The following SHTN1 variants were observed in gnomAD, a reference collection of about 807,000 sequenced individuals.
SHTN1 encodes the protein shootin 1, also known as shootin-1.
SHTN1 carries 42 observed loss-of-function variants against 83.1 expected under a neutral mutation model. The ratio of observed to expected loss-of-function variants is 0.51; its 90% CI spans 0.39 to 0.65. The LOEUF (loss-of-function observed/expected upper bound fraction) is 0.65. Among genes scored for constraint, SHTN1 ranks in the 30% least tolerant of loss-of-function variants. The probability of loss-of-function intolerance (pLI) is 0.00; values close to 1 mark genes in which losing one functional copy is unlikely to be tolerated. For missense variants in SHTN1, 622 were observed against 737.8 expected, an observed-to-expected ratio of 0.84 and a Z score of 1.82; for synonymous variants, 224 against 247.7, an observed-to-expected ratio of 0.90 and a Z score of 0.90.
intron 2 of SHTN1, among the ~76,000 whole-genome samples, chr10:117,031,114 G>C (rs1049249943): frequency 6.6e-6 from 1 of 152,146 alleles, no homozygotes; most frequent in African/African-American, 2.4e-5. Context: ...AAAGCAGCAA[G>C]AGAAGAGAAA....
chr10:117,120,101 A>G (rs1853902147), intron 1 of SHTN1, among the ~76,000 whole-genome samples: 1 of 152,206 alleles, frequency 6.6e-6, no homozygotes, highest in South Asian at 2.1e-4. Flanking sequence ...AAGAATGAAT[A>G]AGACCTAGTA....
chr10:117,105,950 G>T (rs1853662649), intron 1 of SHTN1, among the ~76,000 whole-genome samples: 1 of 151,866 alleles, frequency 6.6e-6, no homozygotes, highest in African/African-American at 2.4e-5. Flanking sequence ...ACAGGTCGAG[G>T]CTGAGGTGAA....
intron 1 of SHTN1, among the ~76,000 whole-genome samples, chr10:116,986,919 G>A (rs1248515876): frequency 6.6e-6 from 1 of 151,826 alleles, no homozygotes; most frequent in Non-Finnish European, 1.5e-5. Flanking sequence ...AGTAGAGACG[G>A]GGTTTCACCA....
At chr10:116,960,436 T>C in intron 3 of SHTN1, 1 of 442,572 alleles carries the variant, frequency 2.3e-6, no homozygotes. Context: ...CACAACAAAA[T>C]ACATTCATTT....
chr10:116,901,483 G>C (rs2133324092), intron 16 of SHTN1: 1 of 985,054 alleles, frequency 1.0e-6, no homozygotes. Context: ...TCCTGACGCA[G>C]AGTCTGTATC....
intron 1 of SHTN1, among the ~76,000 whole-genome samples, chr10:117,119,375 T>C (rs1050123760): frequency 6.6e-6 from 1 of 152,126 alleles, no homozygotes; most frequent in African/African-American, 2.4e-5. Context: ...GATTTTAAAA[T>C]GGGCAAAGGA....
At chr10:116,939,293 G>C (rs1849279841) in intron 9 of SHTN1, among the ~76,000 whole-genome samples, 1 of 152,180 alleles carries the variant, frequency 6.6e-6, no homozygotes. Flanking sequence ...GGCCCTGGTG[G>C]TGTAGGCACC....
Position 116,886,217 on chromosome 10 carries a change from A to T in SHTN1, c.*127T>A. 3 of 1,320,194 alleles carry T rather than the reference A, an allele frequency of 2.3e-6. No homozygotes were observed. The highest frequency in any genetic ancestry group is 3.1e-6 in the Non-Finnish European group (3 of 977,508). 81.8% of individuals were successfully genotyped at this position (1,320,194 alleles called of 1,614,324 possible). A position where few individuals can be genotyped will look rare whatever the true frequency, so the allele number is the denominator to read the frequency against. The stretch of plus-strand genomic sequence containing the variant: ...AGTTGCTACTTACAAAAGTGACACC[A>T]GAAAAGAACCTGTATTCTGAATACA... On this transcript the variant is annotated 3_prime_UTR_variant, in exon 17 of 17. Coordinates refer to ENST00000355371, the MANE Select transcript of SHTN1 (RefSeq NM_001127211.3).
At chr10:116,968,789 T>G (rs1485713328) in intron 2 of SHTN1, 77 bp from the exon 3 acceptor site, 6 of 1,082,320 alleles carry the variant, frequency 5.5e-6, no homozygotes, top group Non-Finnish European at 8.2e-6. Flanking sequence ...AGAGCAAACT[T>G]ATAAACAACA....
intron 2 of SHTN1, among the ~76,000 whole-genome samples, chr10:117,044,861 T>C (rs1194705348): frequency 1.3e-5 from 2 of 152,174 alleles, no homozygotes; most frequent in Admixed American, 1.3e-4. Flanking sequence ...TTTTGGCATA[T>C]TAAGGTGCTA....
Position 116,902,274 on chromosome 10 carries a change from AT to A in SHTN1, c.1481-318del, listed in dbSNP as rs368439568. Among the ~76,000 whole-genome samples the A allele has an allele frequency of 8.7e-3, 1,327 of 152,278 alleles. 11 individuals are homozygous for A. The highest frequency in any genetic ancestry group is 0.015 in the Non-Finnish European group (1,014 of 68,022). On this transcript the variant is annotated intron_variant, in intron 15 of 16. Transcript: ENST00000355371. ...GGAAAGTCTTTTCCTCTCATAGAGT[AT>A]GGCTTTCTGACAGCCCTACTCGAAC...
intron 1 of SHTN1, 50 bp from the exon 2 acceptor site, chr10:116,979,358 C>T (rs768348768): frequency 1.3e-6 from 2 of 1,500,610 alleles, no homozygotes; most frequent in East Asian, 4.5e-5. Flanking sequence ...AAGTTTACTG[C>T]AGGGCAACCT....
intron 2 of SHTN1, among the ~76,000 whole-genome samples, chr10:117,030,438 GC>G (rs1180618566): frequency 1.3e-5 from 2 of 152,038 alleles, no homozygotes; most frequent in Non-Finnish European, 2.9e-5. Context: ...ACTGTTCAAT[GC>G]CCAGACACAG....
Position 116,938,738 on chromosome 10 carries a change from C to T in SHTN1, c.858+1728G>A, listed in dbSNP as rs181853043. Among the ~76,000 whole-genome samples the T allele has an allele frequency of 1.3e-3, 193 of 152,332 alleles. 3 individuals are homozygous for T. Among genetic ancestry groups the T allele is most frequent in the Non-Finnish European group, 2.4e-4 (16 of 68,040 alleles). On this transcript the variant is annotated intron_variant, in intron 9 of 16. Coordinates refer to ENST00000355371, the MANE Select transcript of SHTN1 (RefSeq NM_001127211.3). ...TCTCTTCAGAGTCGGCAGGCAGGAA[C>T]GTTTAAGCCGCTGAAGCTGTGCCCA... is the stretch of plus-strand genomic sequence containing the variant.
chr10:116,911,471 A>G (rs1258219539), intron 14 of SHTN1: 5 of 1,549,780 alleles, frequency 3.2e-6, no homozygotes, highest in Non-Finnish European at 4.4e-6. Context: ...TTTTTCATCA[A>G]CATGTACGGA....
chr10:116,908,840 A>C (rs1360656755), intron 14 of SHTN1, among the ~76,000 whole-genome samples: 1 of 152,196 alleles, frequency 6.6e-6, no homozygotes, highest in Non-Finnish European at 1.5e-5. Context: ...TACTGAAGGA[A>C]TCCATTTTCC....
At chr10:116,957,163 T>C (rs989496367) in intron 4 of SHTN1, among the ~76,000 whole-genome samples, 3 of 152,072 alleles carry the variant, frequency 2.0e-5, no homozygotes, top group Non-Finnish European at 4.4e-5. Context: ...GGCTAAGTAA[T>C]TTCATTGTAG....
At chr10:117,110,375 C>T (rs57787663) in intron 1 of SHTN1, among the ~76,000 whole-genome samples, 29,752 of 152,024 alleles carry the variant, frequency 0.2, 3,183 homozygotes, top group East Asian at 0.43. Flanking sequence ...TTTGTTGAGA[C>T]GGAGTCTCGC....
chr10:117,081,820 C>A (rs1459135020), intron 1 of SHTN1, among the ~76,000 whole-genome samples: 4 of 149,794 alleles, frequency 2.7e-5, no homozygotes, highest in African/African-American at 7.4e-5. Context: ...AGTTTATTTG[C>A]GTAGAGGTGT....
Sources: gnomAD v4.1 joint callset for allele counts (sites outside exome capture counted in the v4.1 genomes callset) on GRCh38, gnomAD v4.1.1 for gene constraint, MANE v1.5 for transcripts, NCBI Gene and HGNC (gene_info 2026-07-23, HGNC 2026-07-21) for gene names.